The following RAD51B variants were observed in gnomAD, a reference collection of about 807,000 sequenced individuals.
The protein encoded by RAD51B is RAD51 paralog B, also known as DNA repair protein RAD51 homolog 2.
In RAD51B, 38 loss-of-function variants were observed where a neutral mutation model predicts 42.2. The ratio of observed to expected loss-of-function variants is 0.90; its 90% CI spans 0.70 to 1.18. The LOEUF (loss-of-function observed/expected upper bound fraction) is 1.18, where lower values mean the gene tolerates loss of function less well. Among genes scored for constraint, RAD51B ranks in the 50% most tolerant of loss-of-function variants. The pLI, the probability that RAD51B is intolerant of heterozygous loss-of-function variation, is 0.00. For missense variants in RAD51B, 373 were observed against 400.7 expected, an observed-to-expected ratio of 0.93 and a Z score of 0.59; for synonymous variants, 154 against 145.2, an observed-to-expected ratio of 1.06 and a Z score of -0.43.
chr14:68,072,079 A>ATTATATATATT lies in RAD51B; in HGVS notation c.756+184876_756+184877insTATATATATTT, dbSNP rs1555351008. 3.3e-3 allele frequency among the ~76,000 whole-genome samples: 358 copies of ATTATATATATT among 107,246 alleles called. 4 individuals are homozygous for ATTATATATATT. The highest frequency in any genetic ancestry group is 5.3e-3 in the African/African-American group (125 of 23,430). 70.4% of individuals were successfully genotyped at this position (107,246 alleles called of 152,430 possible). On this transcript the variant is annotated intron_variant, in intron 7 of 10. Coordinates refer to ENST00000471583, the MANE Select transcript of RAD51B (RefSeq NM_133510.4). ...TATATATATTTATATAAATATATAA[A>ATTATATATATT]TATATATAAATATATAATATATAAA...
chr14:68,541,213 C>T (rs987289586), intron 10 of RAD51B: 54 of 985,390 alleles, frequency 5.5e-5, no homozygotes, highest in East Asian at 2.3e-4. Context: ...TGCTCAGCTC[C>T]GTTCGGGCTC....
At chr14:68,041,751 T>G (rs778716698) in intron 7 of RAD51B, among the ~76,000 whole-genome samples, 15 of 152,202 alleles carry the variant, frequency 9.9e-5, no homozygotes, top group Non-Finnish European at 2.1e-4. Context: ...ATCCTGACTC[T>G]TAGCTTCTTT....
At chr14:68,489,354 A>T (rs1303586692) in intron 10 of RAD51B, among the ~76,000 whole-genome samples, 5 of 152,160 alleles carry the variant, frequency 3.3e-5, no homozygotes, top group African/African-American at 1.2e-4. Context: ...ACCACTTACT[A>T]GCTTTGTGAT....
At chr14:67,832,738 T>C (rs1211102040) in intron 3 of RAD51B, among the ~76,000 whole-genome samples, 1 of 152,128 alleles carries the variant, frequency 6.6e-6, no homozygotes, top group South Asian at 2.1e-4. Flanking sequence ...CAGCAATATC[T>C]AAGAGGAGCT....
intron 7 of RAD51B, among the ~76,000 whole-genome samples, chr14:68,022,157 C>T (rs2075878142): frequency 6.6e-6 from 1 of 152,154 alleles, no homozygotes; most frequent in South Asian, 2.1e-4. Flanking sequence ...ATGTTTAGCT[C>T]CCATTTATAA....
intron 10 of RAD51B, among the ~76,000 whole-genome samples, chr14:68,510,869 G>C (rs1027513498): frequency 2.6e-5 from 4 of 152,192 alleles, no homozygotes; most frequent in Admixed American, 2.6e-4. Flanking sequence ...ATTTGTAGCT[G>C]CTACATAGCA....
chr14:68,589,426 T>C (rs1247071466), intron 10 of RAD51B, among the ~76,000 whole-genome samples: 1 of 151,884 alleles, frequency 6.6e-6, no homozygotes, highest in Non-Finnish European at 1.5e-5. Flanking sequence ...CCTCAGTGAG[T>C]TAAAGCTTTA....
At chr14:68,472,927 A>G (rs1285074812) in intron 10 of RAD51B, among the ~76,000 whole-genome samples, 1 of 152,224 alleles carries the variant, frequency 6.6e-6, no homozygotes, top group African/African-American at 2.4e-5. Context: ...TTTGAAATGT[A>G]TCAGGACAGG....
chr14:67,932,624 G>A (rs2044782154), intron 7 of RAD51B, among the ~76,000 whole-genome samples: 1 of 152,102 alleles, frequency 6.6e-6, no homozygotes, highest in Non-Finnish European at 1.5e-5. Context: ...ATTTGGTATG[G>A]TGTGGGTAGT....
intron 10 of RAD51B, among the ~76,000 whole-genome samples, chr14:68,584,257 G>A (rs760349355): frequency 7.9e-5 from 12 of 152,228 alleles, no homozygotes; most frequent in African/African-American, 1.9e-4. Context: ...AAAAGGACAC[G>A]TCTCTGGAGA....
At chr14:67,965,277 A>G (rs2074748423) in intron 7 of RAD51B, among the ~76,000 whole-genome samples, 2 of 152,162 alleles carry the variant, frequency 1.3e-5, no homozygotes, top group Admixed American at 1.3e-4. Flanking sequence ...TTCACAACCA[A>G]TCTGTCAACA....
intron 10 of RAD51B, among the ~76,000 whole-genome samples, chr14:68,576,599 G>A (rs895834949): frequency 4.6e-5 from 7 of 152,230 alleles, no homozygotes; most frequent in African/African-American, 1.7e-4. Flanking sequence ...GGGGAATGCA[G>A]GGAAACAGTC....
At chr14:67,905,814 C>T (rs1284425034) in intron 7 of RAD51B, among the ~76,000 whole-genome samples, 1 of 152,056 alleles carries the variant, frequency 6.6e-6, no homozygotes, top group East Asian at 1.9e-4. Context: ...AACATTTGGG[C>T]AGAGATTATA....
In RAD51B at chr14:68,115,416, G is replaced by A. The variant is rs1241546709; in HGVS notation, c.757-176468G>A. On this transcript the variant is annotated intron_variant, in intron 7 of 10. Transcript: ENST00000471583. The stretch of plus-strand genomic sequence containing the variant: ...GTTGTGGGGTGGGGGGAGGGGGGAG[G>A]GATAGCATTGGGAGATATACCTAAT... Among the ~76,000 whole-genome samples the A allele has an allele frequency of 5.1e-5, 5 of 98,122 alleles. 1 individual carries two copies. Among genetic ancestry groups the A allele is most frequent in the African/African-American group, 2.1e-4 (5 of 23,698 alleles). 64.4% of individuals were successfully genotyped at this position (98,122 alleles called of 152,430 possible).
chr14:68,377,345 C>T (rs1023627371), intron 8 of RAD51B, among the ~76,000 whole-genome samples: 18 of 152,152 alleles, frequency 1.2e-4, no homozygotes, highest in African/African-American at 4.3e-4. Flanking sequence ...ATTGGCCACC[C>T]TGAATTATAA....
intron 7 of RAD51B, among the ~76,000 whole-genome samples, chr14:68,250,223 C>T (rs1263417843): frequency 6.6e-6 from 1 of 152,176 alleles, no homozygotes; most frequent in Non-Finnish European, 1.5e-5. Context: ...CCCTACCAGT[C>T]CCCCTCATTC....
At chr14:68,518,702 C>A (rs1328121479) in intron 10 of RAD51B, among the ~76,000 whole-genome samples, 3 of 152,150 alleles carry the variant, frequency 2.0e-5, no homozygotes, top group East Asian at 1.9e-4. Context: ...TGTTTGAAAC[C>A]CCTTCCCTGC....
At chr14:68,050,239 C>T (rs2076370317) in intron 7 of RAD51B, among the ~76,000 whole-genome samples, 1 of 151,260 alleles carries the variant, frequency 6.6e-6, no homozygotes, top group Non-Finnish European at 1.5e-5. Context: ...TTTCCTTTCC[C>T]TTTCCCTTTC....
At chr14:68,641,731 T>TA (rs900755637) in intron 10 of RAD51B, among the ~76,000 whole-genome samples, 4 of 151,114 alleles carry the variant, frequency 2.6e-5, no homozygotes, top group East Asian at 1.9e-4. Context: ...TCATGTGATT[T>TA]AAAAAAAAAT....
Sources: gnomAD v4.1 joint callset for allele counts (sites outside exome capture counted in the v4.1 genomes callset) on GRCh38, gnomAD v4.1.1 for gene constraint, MANE v1.5 for transcripts, NCBI Gene and HGNC (gene_info 2026-07-23, HGNC 2026-07-21) for gene names.